The following BSN variants were observed in gnomAD, a reference collection of about 807,000 sequenced individuals.
BSN encodes bassoon presynaptic cytomatrix protein, also known as protein bassoon.
BSN carries 57 observed loss-of-function variants against 264.8 expected under a neutral mutation model. The ratio of observed to expected loss-of-function variants is 0.22; its 90% CI spans 0.17 to 0.27. The LOEUF (loss-of-function observed/expected upper bound fraction) is 0.27, where lower values mean the gene tolerates loss of function less well. BSN is among the 10% of genes least tolerant of loss of function. The pLI, the probability that BSN is intolerant of heterozygous loss-of-function variation, is 1.00. For missense variants in BSN, 4,615 were observed against 5,232.5 expected, an observed-to-expected ratio of 0.88 and a Z score of 3.64; for synonymous variants, 2,059 against 2,137.3, an observed-to-expected ratio of 0.96 and a Z score of 1.01.
chr3:49,599,210 G>A (rs991353153), intron 1 of BSN, among the ~76,000 whole-genome samples: 1 of 152,176 alleles, frequency 6.6e-6, no homozygotes, highest in Non-Finnish European at 1.5e-5. Flanking sequence ...GGAGCCGTTT[G>A]TTGCTTGGGG....
At chr3:49,579,083 G>C (rs2051872443) in intron 1 of BSN, among the ~76,000 whole-genome samples, 1 of 151,912 alleles carries the variant, frequency 6.6e-6, no homozygotes, top group South Asian at 2.1e-4. Flanking sequence ...AAACTCCTGG[G>C]CTCAAGAGAT....
chr3:49,642,550 C>G lies in BSN; in HGVS notation c.916C>G (p.Pro306Ala). The change falls in exon 3 of 12, where the codon CCC becomes GCC. Residue 306 changes from proline (P) to alanine (A), a missense_variant. This residue lies in a region of BSN where 1,197 missense variants were observed against 1,348.0 expected (regional missense o/e 0.89). Transcript: ENST00000296452. The surrounding 1 kb of genome is among the most constrained non-coding windows in gnomAD (Gnocchi z 7.0). Reference protein sequence around the residue: ...PPEVGRVSPQPPQPTKPSTAE... With the variant: ...PPEVGRVSPQAPQPTKPSTAE... ...AGAGGTGGGGAGGGTGTCTCCTCAGCCCCCTCAACCCACCAAGCCTTCCAC... is the reference window on the plus strand; with the variant it reads ...AGAGGTGGGGAGGGTGTCTCCTCAGGCCCCTCAACCCACCAAGCCTTCCAC... 6.3e-7 allele frequency: 1 copy of G among 1,597,582 alleles called. No individual in the cohort carries two copies. Among genetic ancestry groups the G allele is most frequent in the Non-Finnish European group, 8.5e-7 (1 of 1,170,030 alleles).
chr3:49,565,048 C>T (rs560136874), intron 1 of BSN, among the ~76,000 whole-genome samples: 1 of 150,006 alleles, frequency 6.7e-6, no homozygotes, highest in Non-Finnish European at 1.5e-5. Context: ...GAAGTCTCTC[C>T]TGCAAACCTA....
intron 10 of BSN, 63 bp downstream of exon 10, chr3:49,664,916 G>GT: frequency 7.6e-7 from 1 of 1,316,402 alleles, no homozygotes; most frequent in Non-Finnish European, 1.1e-6. Flanking sequence ...GGGGGTGGGG[G>GT]TGGGGCTCTA....
Position 49,662,921 on chromosome 3 carries a change from G to C in BSN, c.10763G>C (p.Arg3588Pro). The change falls in exon 7 of 12, where the codon CGG becomes CCG. Residue 3588 changes from arginine to proline, a missense_variant. Transcript: ENST00000296452. ...QEETDWFDKP[R>P]DARSDRFRHH... ...GAGACGGACTGGTTTGATAAGCCCC[G>C]GGATGCCCGCTCTGACCGGTTCAGG... is the stretch of plus-strand genomic sequence containing the variant. 3 of 1,609,952 alleles carry C rather than the reference G, an allele frequency of 1.9e-6. No homozygotes were observed. Among genetic ancestry groups the C allele is most frequent in the Non-Finnish European group, 2.5e-6 (3 of 1,177,944 alleles).
intron 1 of BSN, among the ~76,000 whole-genome samples, chr3:49,620,654 C>T (rs1470999799): frequency 1.3e-5 from 2 of 151,956 alleles, no homozygotes; most frequent in African/African-American, 4.8e-5. Flanking sequence ...CAGTGCAAGG[C>T]TTAAGCAAAG....
intron 1 of BSN, among the ~76,000 whole-genome samples, chr3:49,621,967 G>C (rs186747539): frequency 2.6e-5 from 4 of 152,314 alleles, no homozygotes; most frequent in Admixed American, 2.6e-4. Flanking sequence ...GAGTAGTGGA[G>C]CAAAGTACTG....
chr3:49,596,383 G>A (rs1442454599), intron 1 of BSN, among the ~76,000 whole-genome samples: 1 of 152,202 alleles, frequency 6.6e-6, no homozygotes, highest in Non-Finnish European at 1.5e-5. Context: ...CAGCCTGGGT[G>A]ACAGAGCGAG....
In BSN at chr3:49,660,515, C is replaced by G; in HGVS notation, c.8670C>G (p.Val2890=). The change falls in exon 6 of 12, where the codon GTC becomes GTG. Residue 2890 remains valine, a synonymous_variant. Coordinates refer to ENST00000296452, the MANE Select transcript of BSN (RefSeq NM_003458.4). The surrounding 1 kb of genome is among the most constrained non-coding windows in gnomAD (Gnocchi z 7.1). ...CGGCGTTGCCACCCAACAGCCTGGT[C>G]CGCAAGGTGAAGCGGACACTGCCCA... ...QVSALPPNSL[V]RKVKRTLPSP... is the part of the protein sequence containing the mutation. 6.5e-7 allele frequency: 1 copy of G among 1,543,066 alleles called. No individual in the cohort carries two copies. The highest frequency in any genetic ancestry group is 8.7e-7 in the Non-Finnish European group (1 of 1,144,812).
intron 2 of BSN, among the ~76,000 whole-genome samples, chr3:49,634,097 A>T (rs929141842): frequency 2.0e-5 from 3 of 152,110 alleles, no homozygotes; most frequent in African/African-American, 7.2e-5. Flanking sequence ...AGTCCCAGCT[A>T]CTTGGGAGGC....
chr3:49,663,263 C>T lies in BSN; in HGVS notation c.11105C>T (p.Ser3702Phe), dbSNP rs1193178636. ...AAGGGTCAGCCTGGGTATCCCAGCT[C>T]TGCTGAGTACTCACAGCCATCCCGT... is the stretch of plus-strand genomic sequence containing the variant. ...PKKGQPGYPS[S>F]AEYSQPSRAS... Residue 3702 changes from serine (S) to phenylalanine (F), a missense_variant, in exon 7 of 12, where the codon TCT (serine) becomes TTT (phenylalanine). Coordinates refer to ENST00000296452, the MANE Select transcript of BSN (RefSeq NM_003458.4). The T allele has an allele frequency of 1.1e-5, 18 of 1,614,148 alleles. No homozygotes were observed. Among genetic ancestry groups the T allele is most frequent in the Non-Finnish European group, 1.4e-5 (16 of 1,180,028 alleles).
At chr3:49,562,365 C>T (rs1479736123) in intron 1 of BSN, among the ~76,000 whole-genome samples, 2 of 152,208 alleles carry the variant, frequency 1.3e-5, no homozygotes, top group African/African-American at 4.8e-5. Flanking sequence ...ATAAAATAGG[C>T]TCTGCCCTAA....
chr3:49,652,016 G>T lies in BSN; in HGVS notation c.2460G>T (p.Glu820Asp), dbSNP rs150154360. Residue 820 changes from glutamate to aspartate, a missense_variant, in exon 5 of 12, where the codon GAG (glutamate) becomes GAT (aspartate). By Grantham distance (45) the Glu-to-Asp change is conservative (BLOSUM62 2). Around this residue, in one of 3 missense-constraint regions of BSN, gnomAD observed 1,197 missense variants for 1,348.0 expected, o/e 0.89. Coordinates refer to ENST00000296452, the MANE Select transcript of BSN (RefSeq NM_003458.4). ...ACGACTATGTGGAGGACAGCAGTGA[G>T]GGTGGCCTGTCCCCTCTTCCACCCC... is the stretch of plus-strand genomic sequence containing the variant. ...LRHDYVEDSS[E>D]GGLSPLPPQP... 3.9e-5 allele frequency: 63 copies of T among 1,612,592 alleles called. No individual in the cohort carries two copies. Among genetic ancestry groups the T allele is most frequent in the Non-Finnish European group, 5.0e-5 (59 of 1,178,980 alleles).
At position 49,638,843 on chromosome 3, in the gene BSN, C is replaced by G. The variant is rs2052438989; in HGVS notation, c.634-3425C>G. On this transcript the variant is annotated intron_variant, in intron 2 of 11. Coordinates refer to ENST00000296452, the MANE Select transcript of BSN (RefSeq NM_003458.4). The surrounding 1 kb of genome is among the most constrained non-coding windows in gnomAD (Gnocchi z 4.3). ...ATAAGAAGCCTTACCTCCTAAATTC[C>G]CTTTCCCAGGAAGAAGTCTCACCTC... Among the ~76,000 whole-genome samples, 1 of 152,168 alleles carries G rather than the reference C, an allele frequency of 6.6e-6. No homozygotes were observed. The highest frequency in any genetic ancestry group is 6.5e-5 in the Admixed American group (1 of 15,284).
At chr3:49,554,945 CCCTGCCGGATTGGCGTG>C in intron 1 of BSN, 119 bp downstream of exon 1, 1 of 575,134 alleles carries the variant, frequency 1.7e-6, no homozygotes, top group Non-Finnish European at 2.5e-6. Flanking sequence ...GCACTCTGAA[CCCTGCCGGATTGGCGTG>C]AACTGGGTGG....
rs370476705 is a variant in BSN at position 49,628,271 on chromosome 3, C to T, written c.633+2888C>T. Among the ~76,000 whole-genome samples the T allele has an allele frequency of 5.0e-5, 5 of 99,126 alleles. No homozygotes were observed. In the East Asian group the frequency reaches 8.5e-4, roughly 17 times the overall value. The allele number at this position is 99,126 out of a possible 152,430, so 65.0% of individuals were successfully genotyped here. ...CTGGAGTGTGATTGAACAGTTGTGC[C>T]GAATGGCTGCATGAGGACAAATGCA... On this transcript the variant is annotated intron_variant, in intron 2 of 11. Coordinates refer to ENST00000296452, the MANE Select transcript of BSN (RefSeq NM_003458.4).
At position 49,656,275 on chromosome 3, in the gene BSN, G is replaced by A. The variant is rs761723878; in HGVS notation, c.6719G>A (p.Ser2240Asn). ...GGAATCACAGCCGTGCCACTCACCA[G>A]TCTGACACGTGTGCCCATGATTGCC... ...SGGITAVPLT[S>N]LTRVPMIAPR... Residue 2240 changes from serine to asparagine, a missense_variant, in exon 5 of 12, where the codon AGT becomes AAT. By Grantham distance (46) the Ser-to-Asn change is conservative. Coordinates refer to ENST00000296452, the MANE Select transcript of BSN (RefSeq NM_003458.4). The A allele has an allele frequency of 1.2e-6, 2 of 1,613,010 alleles. No homozygotes were observed. Among genetic ancestry groups the A allele is most frequent in the African/African-American group, 1.3e-5 (1 of 74,954 alleles).
In BSN at chr3:49,651,235, GT is replaced by G; in HGVS notation, c.1986+158del. 1 of 752,780 alleles carries G rather than the reference GT, an allele frequency of 1.3e-6. No individual in the cohort carries two copies. The highest frequency in any genetic ancestry group is 2.7e-5 in the East Asian group (1 of 36,604). The allele number at this position is 752,780 out of a possible 1,614,324, so 46.6% of individuals were successfully genotyped here. A position where few individuals can be genotyped will look rare whatever the true frequency, so the allele number is the denominator to read the frequency against. ...ACAGTAGAAGGAAAGTCTAGATGAG[GT>G]TCTGGCACGCTTGGAGACTGTGGGT... is the stretch of plus-strand genomic sequence containing the variant. On this transcript the variant is annotated intron_variant, in intron 4 of 11. Transcript: ENST00000296452. The surrounding 1 kb of genome is among the most constrained non-coding windows in gnomAD (Gnocchi z 5.4).
rs999307341 is a variant in BSN, at chr3:49,667,849, C to T, written c.*364C>T. On this transcript the variant is annotated 3_prime_UTR_variant, in exon 12 of 12. Coordinates refer to ENST00000296452, the MANE Select transcript of BSN (RefSeq NM_003458.4). ...CCTGCCACCATGGTGTCTTGCCGTA[C>T]TTCCCACAGCCGCCTTTTTGCGGCC... The T allele has an allele frequency of 4.6e-5, 7 of 152,522 alleles. No individual in the cohort carries two copies. The highest frequency in any genetic ancestry group is 1.7e-4 in the African/African-American group (7 of 41,462). The allele number at this position is 152,522 out of a possible 1,614,324, so 9.4% of individuals were successfully genotyped here. A position where few individuals can be genotyped will look rare whatever the true frequency, so the allele number is the denominator to read the frequency against.
Sources: allele counts gnomAD v4.1 joint callset (sites outside exome capture counted in the v4.1 genomes callset), GRCh38; gene constraint gnomAD v4.1.1; regional missense constraint gnomAD v4.1.1; non-coding constraint Gnocchi (gnomAD v3.1); transcripts MANE v1.5; gene names NCBI Gene and HGNC (gene_info 2026-07-23, HGNC 2026-07-21).